GPC5: variants seen among roughly 807,000 people sequenced by gnomAD.
The protein encoded by GPC5 is glypican 5, also known as glypican-5.
A neutral mutation model predicts 53.9 loss-of-function variants in GPC5; 47 were observed. The ratio of observed to expected loss-of-function variants is 0.87; its 90% CI spans 0.69 to 1.11. The LOEUF (loss-of-function observed/expected upper bound fraction) is 1.11. GPC5 is among the 50% of genes most tolerant of loss of function. The probability of loss-of-function intolerance (pLI) is 0.00; values close to 1 mark genes in which losing one functional copy is unlikely to be tolerated. For synonymous variants in GPC5, 286 were observed against 263.3 expected (o/e 1.09, Z -0.84); for missense variants, 748 against 713.1 (o/e 1.05, Z -0.56).
At chr13:92,271,589 G>A (rs895512875) in intron 7 of GPC5, among the ~76,000 whole-genome samples, 1 of 152,290 alleles carries the variant, frequency 6.6e-6, no homozygotes, top group South Asian at 2.1e-4. Flanking sequence ...GTTATAAGTT[G>A]TAATCCTCTA....
chr13:92,258,998 G>A (rs2042746530), intron 7 of GPC5, among the ~76,000 whole-genome samples: 1 of 152,174 alleles, frequency 6.6e-6, no homozygotes, highest in African/African-American at 2.4e-5. Context: ...TTGTGAGATA[G>A]AATGAATTTT....
chr13:91,712,362 G>T (rs1160792520), intron 3 of GPC5, among the ~76,000 whole-genome samples: 1 of 150,898 alleles, frequency 6.6e-6, no homozygotes, highest in Non-Finnish European at 1.5e-5. Flanking sequence ...ATTTATATAT[G>T]TGTGTATATA....
intron 2 of GPC5, among the ~76,000 whole-genome samples, chr13:91,470,797 C>T (rs751760986): frequency 5.3e-5 from 8 of 152,210 alleles, no homozygotes; most frequent in East Asian, 1.9e-4. Flanking sequence ...GAAACTGGAG[C>T]GAGTCTTTCC....
At chr13:92,405,009 A>G (rs1424952810) in intron 7 of GPC5, among the ~76,000 whole-genome samples, 1 of 150,480 alleles carries the variant, frequency 6.6e-6, no homozygotes, top group African/African-American at 2.5e-5. Context: ...TTCCTATGGC[A>G]TATTTCTGGT....
At chr13:91,609,424 G>A (rs1050949610) in intron 2 of GPC5, among the ~76,000 whole-genome samples, 1 of 152,174 alleles carries the variant, frequency 6.6e-6, no homozygotes, top group Non-Finnish European at 1.5e-5. Context: ...CTGATTCCCA[G>A]GAGGGGAACA....
intron 7 of GPC5, among the ~76,000 whole-genome samples, chr13:92,464,082 T>G (rs1878597526): frequency 6.6e-6 from 1 of 152,218 alleles, no homozygotes; most frequent in Admixed American, 6.5e-5. Flanking sequence ...ATCAGTGTTC[T>G]GAGGAGGAAA....
At chr13:91,663,891 G>A (rs188304310) in intron 2 of GPC5, among the ~76,000 whole-genome samples, 29 of 152,056 alleles carry the variant, frequency 1.9e-4, no homozygotes, top group South Asian at 1.0e-3. Context: ...TTCCCAGGCC[G>A]GCCTTGCACT....
chr13:92,763,312 A>G (rs9516130), intron 7 of GPC5, among the ~76,000 whole-genome samples: 78,968 of 151,888 alleles, frequency 0.52, 21,332 homozygotes, highest in East Asian at 0.9. Context: ...TGGGAAGGCC[A>G]TGGTGGCTGA....
intron 7 of GPC5, among the ~76,000 whole-genome samples, chr13:92,795,969 C>T (rs999933530): frequency 6.6e-6 from 1 of 152,054 alleles, no homozygotes; most frequent in Admixed American, 6.6e-5. Flanking sequence ...CCTCAAGCAT[C>T]TAGAACTACA....
At chr13:91,839,267 C>T (rs1364568230) in intron 5 of GPC5, among the ~76,000 whole-genome samples, 5 of 152,054 alleles carry the variant, frequency 3.3e-5, no homozygotes, top group African/African-American at 9.7e-5. Context: ...TTAAGGATTG[C>T]TCAGATTTTA....
intron 5 of GPC5, among the ~76,000 whole-genome samples, chr13:91,837,078 T>A (rs2038729953): frequency 6.7e-6 from 1 of 150,154 alleles, no homozygotes; most frequent in Non-Finnish European, 1.5e-5. Flanking sequence ...TTGATTTGAA[T>A]TTATATTTAA....
At chr13:91,622,465 T>C (rs2033887259) in intron 2 of GPC5, among the ~76,000 whole-genome samples, 2 of 152,192 alleles carry the variant, frequency 1.3e-5, no homozygotes, top group African/African-American at 4.8e-5. Flanking sequence ...ATGTTCGTTT[T>C]TGTTAGGACG....
At chr13:91,544,700 T>C (rs2030173352) in intron 2 of GPC5, among the ~76,000 whole-genome samples, 2 of 152,228 alleles carry the variant, frequency 1.3e-5, no homozygotes, top group Admixed American at 6.5e-5. Context: ...TGCTTTCTTT[T>C]CCAACACTGT....
intron 7 of GPC5, among the ~76,000 whole-genome samples, chr13:92,710,631 C>G (rs1888102171): frequency 6.6e-6 from 1 of 152,134 alleles, no homozygotes; most frequent in Admixed American, 6.5e-5. Flanking sequence ...ATGGAAGCCA[C>G]TTGGGGACCT....
chr13:92,514,556 A>C lies in GPC5; in HGVS notation c.1562-351726A>C, dbSNP rs1009678284. On this transcript the variant is annotated intron_variant, in intron 7 of 7. Transcript: ENST00000377067. ...GCACTGTATTATCTCCCTTTCATAG[A>C]TGTGTAACTGGAGGCACATAAAGGC... Among the ~76,000 whole-genome samples, 3 of 152,084 alleles carry C rather than the reference A, an allele frequency of 2.0e-5. No homozygotes were observed. In the South Asian group the frequency reaches 6.2e-4, roughly 32 times the overall value.
chr13:92,271,639 A>G (rs1052747044), intron 7 of GPC5, among the ~76,000 whole-genome samples: 5 of 152,208 alleles, frequency 3.3e-5, no homozygotes, highest in African/African-American at 7.2e-5. Context: ...TGTAAGGCAT[A>G]ATGATATTCC....
intron 7 of GPC5, among the ~76,000 whole-genome samples, chr13:92,461,092 A>C (rs1878460816): frequency 6.6e-6 from 1 of 152,196 alleles, no homozygotes; most frequent in Admixed American, 6.5e-5. Flanking sequence ...CATTAAGAGC[A>C]TCAGGAGAAT....
At chr13:92,341,392 G>C (rs917708243) in intron 7 of GPC5, among the ~76,000 whole-genome samples, 2 of 151,964 alleles carry the variant, frequency 1.3e-5, no homozygotes, top group African/African-American at 4.8e-5. Flanking sequence ...AGATATATGA[G>C]AGACACAAAG....
At chr13:92,504,912 A>G (rs1377269148) in intron 7 of GPC5, among the ~76,000 whole-genome samples, 3 of 151,864 alleles carry the variant, frequency 2.0e-5, no homozygotes, top group Admixed American at 6.6e-5. Context: ...CTTCATTCCC[A>G]GGGAGTAGAG....
Sources: gnomAD v4.1 joint callset for allele counts (sites outside exome capture counted in the v4.1 genomes callset) on GRCh38, gnomAD v4.1.1 for gene constraint, MANE v1.5 for transcripts, NCBI Gene and HGNC (gene_info 2026-07-23, HGNC 2026-07-21) for gene names.